The following AFAP1 variants were observed in gnomAD, a reference collection of about 807,000 sequenced individuals.
The protein encoded by AFAP1 is actin filament associated protein 1, also known as actin filament-associated protein 1.
Under a neutral mutation model 93.9 loss-of-function variants are expected in AFAP1, and 75 were observed. The ratio of observed to expected loss-of-function variants is 0.80; its 90% CI spans 0.66 to 0.97. AFAP1 has a LOEUF of 0.97. AFAP1 is among the 50% of genes least tolerant of loss of function. AFAP1 has a pLI of 0.00. For synonymous variants in AFAP1, 517 were observed against 430.7 expected (o/e 1.20, Z -2.48); for missense variants, 1,201 against 1,050.8 (o/e 1.14, Z -1.98).
intron 1 of AFAP1, among the ~76,000 whole-genome samples, chr4:7,873,688 G>A (rs1315181828): frequency 6.6e-6 from 1 of 152,040 alleles, no homozygotes. Flanking sequence ...GACATGGGAA[G>A]CACGCATGAA....
intron 1 of AFAP1, among the ~76,000 whole-genome samples, chr4:7,877,757 T>A (rs1301602532): frequency 1.3e-5 from 2 of 152,192 alleles, no homozygotes; most frequent in Non-Finnish European, 2.9e-5. Context: ...TTATACCCAT[T>A]TTGTATTTAA....
chr4:7,916,846 G>A (rs1480015766), intron 1 of AFAP1, among the ~76,000 whole-genome samples: 2 of 152,094 alleles, frequency 1.3e-5, no homozygotes, highest in Admixed American at 6.5e-5. Context: ...CTTGCACTAG[G>A]GGCCCAGGGC....
intron 2 of AFAP1, among the ~76,000 whole-genome samples, chr4:7,871,266 C>T (rs564952292): frequency 3.3e-5 from 5 of 152,298 alleles, no homozygotes; most frequent in Non-Finnish European, 5.9e-5. Flanking sequence ...CCTCTGGGAA[C>T]GTGGATTTCA....
At chr4:7,766,343 G>T (rs1293441086) in intron 17 of AFAP1, among the ~76,000 whole-genome samples, 1 of 152,190 alleles carries the variant, frequency 6.6e-6, no homozygotes, top group Non-Finnish European at 1.5e-5. Context: ...CTGTTGTACA[G>T]GTCCCCCATT....
intron 5 of AFAP1, among the ~76,000 whole-genome samples, chr4:7,840,594 G>A (rs751724934): frequency 3.9e-5 from 6 of 152,196 alleles, no homozygotes; most frequent in East Asian, 3.9e-4. Flanking sequence ...TTACAGGCCT[G>A]AGCCACAGCG....
At chr4:7,818,146 T>C (rs1720648403) in intron 7 of AFAP1, among the ~76,000 whole-genome samples, 1 of 152,082 alleles carries the variant, frequency 6.6e-6, no homozygotes, top group African/African-American at 2.4e-5. Flanking sequence ...CCTCCAATCA[T>C]TTCAGGGCCT....
chr4:7,814,508 G>A (rs1560175581), intron 8 of AFAP1, among the ~76,000 whole-genome samples: 2 of 152,164 alleles, frequency 1.3e-5, no homozygotes, highest in Non-Finnish European at 2.9e-5. Context: ...GCTCCAAAGT[G>A]GAAACAGCTC....
chr4:7,799,016 C>CT, intron 10 of AFAP1: 1 of 986,152 alleles, frequency 1.0e-6, no homozygotes, highest in Non-Finnish European at 1.2e-6. Flanking sequence ...AAGTTTTCAG[C>CT]TTTTTTCCAC....
At chr4:7,773,294 A>C (rs562894109) in intron 15 of AFAP1, 1 of 377,248 alleles carries the variant, frequency 2.7e-6, no homozygotes, top group East Asian at 5.2e-5. Flanking sequence ...CAATGTTCTC[A>C]TTTTAAAACG....
At position 7,761,685 on chromosome 4, in the gene AFAP1, C is replaced by T. The variant is rs1196204814; in HGVS notation, c.*2080G>A. 2 of 152,230 alleles carry T rather than the reference C, an allele frequency of 1.3e-5. No individual in the cohort carries two copies. The highest frequency in any genetic ancestry group is 2.9e-5 in the Non-Finnish European group (2 of 68,038). 9.4% of individuals were successfully genotyped at this position (152,230 alleles called of 1,614,324 possible). On this transcript the variant is annotated 3_prime_UTR_variant, in exon 18 of 18. Coordinates refer to ENST00000420658, the MANE Select transcript of AFAP1 (RefSeq NM_001134647.2). ...ATCAGAGTGGCCCAAGAGTGTCAAC[C>T]AGGGAAACTATTTGACCCGAAGGCA...
chr4:7,845,474 T>C (rs891141802), intron 4 of AFAP1, among the ~76,000 whole-genome samples: 10 of 151,912 alleles, frequency 6.6e-5, no homozygotes, highest in Non-Finnish European at 1.0e-4. Flanking sequence ...GCTAAGGAGA[T>C]TGAAGAGGTA....
intron 1 of AFAP1, among the ~76,000 whole-genome samples, chr4:7,904,808 G>A (rs753806036): frequency 9.9e-5 from 15 of 152,238 alleles, no homozygotes; most frequent in Non-Finnish European, 1.8e-4. Context: ...CTGGGCTCAA[G>A]AGATTCTCGC....
intron 9 of AFAP1, among the ~76,000 whole-genome samples, chr4:7,804,984 CA>C (rs1055916779): frequency 3.9e-4 from 59 of 152,266 alleles, no homozygotes; most frequent in African/African-American, 1.3e-3. Context: ...TCGACGAGGC[CA>C]GGGGCAGAGG....
chr4:7,869,043 GA>G (rs1560211104), intron 2 of AFAP1, among the ~76,000 whole-genome samples: 1 of 117,138 alleles, frequency 8.5e-6, no homozygotes, highest in African/African-American at 3.2e-5. Flanking sequence ...AGAAAGAAAA[GA>G]AAAGAGAAAG....
chr4:7,767,805 C>T (rs746310532), intron 17 of AFAP1, among the ~76,000 whole-genome samples: 21 of 152,178 alleles, frequency 1.4e-4, no homozygotes, highest in African/African-American at 4.8e-4. Flanking sequence ...CCAAGCTGGG[C>T]GCAGTGGCTC....
At chr4:7,800,735 C>G in intron 9 of AFAP1, 82 bp from the exon 10 acceptor site, 1 of 1,357,884 alleles carries the variant, frequency 7.4e-7, no homozygotes, top group Non-Finnish European at 1.0e-6. Context: ...ACTGAGGAGG[C>G]CCAGGGATGG....
intron 6 of AFAP1, among the ~76,000 whole-genome samples, chr4:7,825,242 T>TA (rs1349013334): frequency 1.3e-5 from 2 of 152,172 alleles, no homozygotes; most frequent in African/African-American, 4.8e-5. Flanking sequence ...ATTCCAGGAA[T>TA]GTACCCTATG....
At chr4:7,890,004 TAAAAAAA>T (rs543991662) in intron 1 of AFAP1, among the ~76,000 whole-genome samples, 2 of 100,356 alleles carry the variant, frequency 2.0e-5, no homozygotes, top group Non-Finnish European at 3.8e-5. Flanking sequence ...CAATTTTTGT[TAAAAAAA>T]AAAAAAAAAA....
chr4:7,774,965 G>T, intron 14 of AFAP1, 62 bp from the exon 15 acceptor site: 1 of 1,565,858 alleles, frequency 6.4e-7, no homozygotes. Flanking sequence ...AATATGGGAC[G>T]ATCCCTTCTC....
Sources: gnomAD v4.1 joint callset for allele counts (sites outside exome capture counted in the v4.1 genomes callset) on GRCh38, gnomAD v4.1.1 for gene constraint, MANE v1.5 for transcripts, NCBI Gene and HGNC (gene_info 2026-07-23, HGNC 2026-07-21) for gene names.